The following TMEM130 variants were observed in gnomAD, a reference collection of about 807,000 sequenced individuals.
TMEM130 encodes the protein transmembrane protein 130.
A neutral mutation model predicts 42.9 loss-of-function variants in TMEM130; 37 were observed. The observed-to-expected ratio is 0.86, with a 90% confidence interval of 0.66 to 1.13. TMEM130 has a LOEUF of 1.13. TMEM130 is among the 50% of genes most tolerant of loss of function. The probability of loss-of-function intolerance (pLI) is 0.00; values close to 1 mark genes in which losing one functional copy is unlikely to be tolerated. For synonymous variants in TMEM130, 259 were observed against 237.7 expected (o/e 1.09, Z -0.82); for missense variants, 545 against 562.6 (o/e 0.97, Z 0.32).
In TMEM130 at chr7:98,869,315, C is replaced by A. The variant is rs1794975158; in HGVS notation, c.85+462G>T. The A allele has an allele frequency of 1.3e-5, 16 of 1,279,724 alleles. No individual in the cohort carries two copies. Among genetic ancestry groups the A allele is most frequent in the African/African-American group, 1.5e-5 (1 of 65,502 alleles). The allele number at this position is 1,279,724 out of a possible 1,614,324, so 79.3% of individuals were successfully genotyped here. A position where few individuals can be genotyped will look rare whatever the true frequency, so the allele number is the denominator to read the frequency against. On this transcript the variant is annotated intron_variant, in intron 1 of 7. Transcript: ENST00000339375. This position sits in a 1 kb window ranked among gnomAD's most constrained non-coding sequence, Gnocchi z 4.7. ...CATCTCCCCAAAGCCAGCACCAACACGGTGGGAAACCCCTCTAGATGAGGC... is the reference window on the plus strand; with the variant it reads ...CATCTCCCCAAAGCCAGCACCAACAAGGTGGGAAACCCCTCTAGATGAGGC...
At chr7:98,862,341 GAAAACAGAGAGAGAA>G (rs1794793710) in intron 2 of TMEM130, among the ~76,000 whole-genome samples, 1 of 150,992 alleles carries the variant, frequency 6.6e-6, no homozygotes, top group Admixed American at 6.7e-5. Flanking sequence ...GATAGAAAGG[GAAAACAGAGAGAGAA>G]GGGACAGAGA....
chr7:98,864,597 G>A lies in TMEM130; in HGVS notation c.86-1197C>T, dbSNP rs1056236109. Among the ~76,000 whole-genome samples the A allele has an allele frequency of 4.6e-5, 7 of 151,640 alleles. No individual in the cohort carries two copies. The East Asian group carries it at 1.2e-3, about 26-fold the overall frequency. ...CTCCTCACTCCTCTCTCTCTGTCAG[G>A]GTTAAAGGATCCAGCTGTTGGCCAG... On this transcript the variant is annotated intron_variant, in intron 1 of 7. Transcript: ENST00000339375.
At chr7:98,851,321 T>C in intron 6 of TMEM130, 100 bp downstream of exon 6, 1 of 1,255,460 alleles carries the variant, frequency 8.0e-7, no homozygotes, top group Non-Finnish European at 1.2e-6. Flanking sequence ...CTGAGGACCT[T>C]GGTAAGGCTG....
intron 6 of TMEM130, among the ~76,000 whole-genome samples, chr7:98,850,273 A>ATATATATATTTTTTTTTTTTTTTTT: frequency 8.2e-4 from 29 of 35,428 alleles, no homozygotes; most frequent in South Asian, 2.2e-3. Flanking sequence ...ATATATATAT[A>ATATATATATTTTTTTTTTTTTTTTT]TTTTTTTTTT....
At position 98,869,257 on chromosome 7, in the gene TMEM130, A is replaced by C; in HGVS notation, c.85+520T>G. 1 of 1,288,904 alleles carries C rather than the reference A, an allele frequency of 7.8e-7. No homozygotes were observed. The allele number at this position is 1,288,904 out of a possible 1,614,324, so 79.8% of individuals were successfully genotyped here. A position where few individuals can be genotyped will look rare whatever the true frequency, so the allele number is the denominator to read the frequency against. On this transcript the variant is annotated intron_variant, in intron 1 of 7. Transcript: ENST00000339375. The surrounding 1 kb of genome is among the most constrained non-coding windows in gnomAD (Gnocchi z 4.7). ...TTTTGGAAATCACCACCAGAGAGGA[A>C]ATGGCAGCCTGGCCTCCTGGGCTCT...
rs1554397751 is a variant in TMEM130, at chr7:98,848,620, G to A, written c.1082C>T (p.Thr361Ile). 6.2e-7 allele frequency: 1 copy of A among 1,613,950 alleles called. No homozygotes were observed. The highest frequency in any genetic ancestry group is 1.1e-5 in the South Asian group (1 of 91,076). ...CTTTTGCTGAGTGGCATTCCGCAGG[G>A]TCATGTACATGATGAAGGCCAACAT... ...TVMLAFIMYM[T>I]LRNATQQKDM... The change falls in exon 7 of 8, where the codon ACC (threonine) becomes ATC (isoleucine). Residue 361 changes from threonine to isoleucine, a missense_variant. Transcript: ENST00000339375.
chr7:98,859,623 C>T (rs924546301), intron 3 of TMEM130, among the ~76,000 whole-genome samples: 45 of 152,080 alleles, frequency 3.0e-4, no homozygotes, highest in African/African-American at 1.0e-3. Flanking sequence ...ACCTGTAGTC[C>T]CAGTATTTTG....
chr7:98,850,273 A>ATATATATATATATATATATTTTTT, intron 6 of TMEM130, among the ~76,000 whole-genome samples: 1 of 35,472 alleles, frequency 2.8e-5, no homozygotes, highest in African/African-American at 7.6e-5. Flanking sequence ...ATATATATAT[A>ATATATATATATATATATATTTTTT]TTTTTTTTTT....
chr7:98,848,864 T>C (rs1034978806), intron 6 of TMEM130, among the ~76,000 whole-genome samples, 169 bp from the exon 7 acceptor site: 106 of 152,072 alleles, frequency 7.0e-4, no homozygotes, highest in African/African-American at 2.4e-3. Flanking sequence ...AATCCAGGAC[T>C]TCACAAAAAA....
chr7:98,850,273 A>ATATATTTT, intron 6 of TMEM130, among the ~76,000 whole-genome samples: 1 of 35,468 alleles, frequency 2.8e-5, no homozygotes, highest in East Asian at 7.7e-4. Flanking sequence ...ATATATATAT[A>ATATATTTT]TTTTTTTTTT....
chr7:98,858,664 A>G (rs1381646002), intron 3 of TMEM130, among the ~76,000 whole-genome samples: 2 of 152,120 alleles, frequency 1.3e-5, no homozygotes, highest in Non-Finnish European at 1.5e-5. Context: ...CAGCCTGGGC[A>G]ACATAGTAAG....
At chr7:98,857,707 G>A (rs111841721) in intron 3 of TMEM130, among the ~76,000 whole-genome samples, 1 of 139,164 alleles carries the variant, frequency 7.2e-6, no homozygotes. Context: ...CTCAAAAACA[G>A]AAACAAAAAC....
chr7:98,862,119 C>T (rs1208487428), intron 2 of TMEM130, among the ~76,000 whole-genome samples: 1 of 152,104 alleles, frequency 6.6e-6, no homozygotes, highest in Non-Finnish European at 1.5e-5. Context: ...TTGCAATGAA[C>T]ACCTTAATGC....
At chr7:98,849,800 G>A (rs559519505) in intron 6 of TMEM130, among the ~76,000 whole-genome samples, 2 of 152,230 alleles carry the variant, frequency 1.3e-5, no homozygotes, top group South Asian at 4.2e-4. Context: ...CTGTGCCTTA[G>A]TTTCCCCTTT....
chr7:98,855,995 A>C lies in TMEM130; in HGVS notation c.718+22T>G, dbSNP rs372042895. The stretch of plus-strand genomic sequence containing the variant: ...CCCCACTCTGGAACGCCCAGACTGC[A>C]TCAGCCTGCCTGGACACCCACCCTG... On this transcript the variant is annotated intron_variant, in intron 4 of 7. Coordinates refer to ENST00000339375, the MANE Select transcript of TMEM130 (RefSeq NM_152913.3). 1.4e-5 allele frequency: 23 copies of C among 1,609,496 alleles called. No individual in the cohort carries two copies. In the African/African-American group the frequency reaches 2.8e-4, roughly 20 times the overall value.
Position 98,860,199 on chromosome 7 carries a change from G to A in TMEM130, c.531C>T (p.Tyr177=). Residue 177 remains tyrosine (Y), a synonymous_variant, in exon 3 of 8, where the codon TAC becomes TAT. Coordinates refer to ENST00000339375, the MANE Select transcript of TMEM130 (RefSeq NM_152913.3). ...CCTACCCGTCCCCGAAGTCCCAGCTGTAGAGAAACAAGGCGGTCTTGAGGA... is the reference window on the plus strand; with the variant it reads ...CCTACCCGTCCCCGAAGTCCCAGCTATAGAGAAACAAGGCGGTCTTGAGGA... ...SNFLKTALFL[Y]SWDFGDGTQM... is the part of the protein sequence containing the mutation. 7.4e-6 allele frequency: 12 copies of A among 1,613,858 alleles called. No individual in the cohort carries two copies. Among genetic ancestry groups the A allele is most frequent in the Non-Finnish European group, 1.0e-5 (12 of 1,179,834 alleles).
In TMEM130 at chr7:98,851,734, A is replaced by G. The variant is rs112973833; in HGVS notation, c.804-111T>C. The G allele has an allele frequency of 4.8e-4, 471 of 982,862 alleles. 4 individuals are homozygous for G. The African/African-American group carries it at 6.7e-3, about 14-fold the overall frequency. The allele number at this position is 982,862 out of a possible 1,614,324, so 60.9% of individuals were successfully genotyped here. ...GGAACTTCAGTGTCCTTTCCAGGAC[A>G]GGACATCAAGCCGTCCTGGACTCAG... On this transcript the variant is annotated intron_variant, in intron 5 of 7. Transcript: ENST00000339375.
intron 7 of TMEM130, 43 bp downstream of exon 7, chr7:98,848,540 G>T (rs1554397728): frequency 2.9e-6 from 4 of 1,365,894 alleles, no homozygotes; most frequent in African/African-American, 2.9e-5. Context: ...ATCCTCTCTA[G>T]GCAAGGCCCA....
At chr7:98,862,990 G>A in intron 2 of TMEM130, 105 bp downstream of exon 2, 2 of 1,249,982 alleles carry the variant, frequency 1.6e-6, no homozygotes, top group Non-Finnish European at 2.1e-6. Flanking sequence ...TAATCCCCCA[G>A]AACCTACGGG....
Sources: allele counts gnomAD v4.1 joint callset (sites outside exome capture counted in the v4.1 genomes callset), GRCh38; gene constraint gnomAD v4.1.1; non-coding constraint Gnocchi (gnomAD v3.1); transcripts MANE v1.5; gene names NCBI Gene and HGNC (gene_info 2026-07-23, HGNC 2026-07-21).